SRPK2: variants seen among roughly 807,000 people sequenced by gnomAD.
SRPK2 encodes the protein SFRS protein kinase 2.
In SRPK2, 21 loss-of-function variants were observed where a neutral mutation model predicts 90.8. The observed-to-expected ratio is 0.23, with a 90% CI of 0.16 to 0.33. The LOEUF (loss-of-function observed/expected upper bound fraction) is 0.33, where lower values mean the gene tolerates loss of function less well. Among genes scored for constraint, SRPK2 ranks in the 10% least tolerant of loss-of-function variants. The pLI, the probability that SRPK2 is intolerant of heterozygous loss-of-function variation, is 1.00. For synonymous variants in SRPK2, 288 were observed against 311.1 expected (o/e 0.93, Z 0.78); for missense variants, 620 against 869.0 (o/e 0.71, Z 3.60).
intron 3 of SRPK2, among the ~76,000 whole-genome samples, chr7:105,171,805 G>A (rs1017078989): frequency 3.3e-5 from 5 of 152,148 alleles, no homozygotes; most frequent in African/African-American, 1.2e-4. Flanking sequence ...ATAAAATGTA[G>A]CAAATTATTA....
chr7:105,282,518 A>C (rs1254339844), intron 2 of SRPK2, among the ~76,000 whole-genome samples: 2 of 152,218 alleles, frequency 1.3e-5, no homozygotes, highest in African/African-American at 4.8e-5. Flanking sequence ...GACATTATCA[A>C]AGGGCCAGGG....
Position 105,117,778 on chromosome 7 carries a change from G to A in SRPK2, c.*60C>T, listed in dbSNP as rs78695224. 2.8e-3 allele frequency: 4,303 copies of A among 1,560,046 alleles called. 77 individuals are homozygous for A. The Admixed American group carries it at 0.039, about 14-fold the overall frequency. On this transcript the variant is annotated 3_prime_UTR_variant, in exon 16 of 16. Coordinates refer to ENST00000393651, the MANE Select transcript of SRPK2 (RefSeq NM_182692.3). ...ATCCTGTTAAAGAATGAGAGTCACC[G>A]TTTAGGTCCAATGTACTGGGAACAT...
intron 2 of SRPK2, among the ~76,000 whole-genome samples, chr7:105,248,732 G>A (rs925375343): frequency 1.3e-5 from 2 of 152,120 alleles, no homozygotes; most frequent in African/African-American, 2.4e-5. Context: ...ACGAGGTCAG[G>A]AGATTGAGAC....
At chr7:105,260,579 C>A (rs1804079489) in intron 2 of SRPK2, among the ~76,000 whole-genome samples, 1 of 152,190 alleles carries the variant, frequency 6.6e-6, no homozygotes. Context: ...AAGACACATG[C>A]ACACCTATGT....
rs568160435 is a variant in SRPK2 at position 105,131,405 on chromosome 7, G to GTT, written c.1752+1384_1752+1385dup. Among the ~76,000 whole-genome samples, 3 of 152,332 alleles carry GTT rather than the reference G, an allele frequency of 2.0e-5. No individual in the cohort carries two copies. The East Asian group carries it at 5.8e-4, about 29-fold the overall frequency. On this transcript the variant is annotated intron_variant, in intron 13 of 15. Transcript: ENST00000393651. ...TCAAAGTGACCATCATTGGCCACCG[G>GTT]TTCTTTTAACCGTTCTTTTCTATAC...
At chr7:105,273,961 C>G (rs1412362855) in intron 2 of SRPK2, among the ~76,000 whole-genome samples, 2 of 152,206 alleles carry the variant, frequency 1.3e-5, no homozygotes, top group Non-Finnish European at 2.9e-5. Flanking sequence ...CATCTCATAG[C>G]TGAACCACAT....
intron 2 of SRPK2, among the ~76,000 whole-genome samples, chr7:105,257,931 C>T (rs972164962): frequency 6.6e-6 from 1 of 151,624 alleles, no homozygotes; most frequent in Admixed American, 6.6e-5. Context: ...CACAGTGAAA[C>T]CCCGTCTCTA....
At chr7:105,325,513 A>G (rs1813467580) in intron 2 of SRPK2, among the ~76,000 whole-genome samples, 1 of 140,864 alleles carries the variant, frequency 7.1e-6, no homozygotes, top group Non-Finnish European at 1.5e-5. Flanking sequence ...AATGATGTCC[A>G]TTATTTAATG....
chr7:105,211,330 A>G (rs1212555333), intron 2 of SRPK2, among the ~76,000 whole-genome samples: 1 of 151,984 alleles, frequency 6.6e-6, no homozygotes. Flanking sequence ...TGGGAATAGG[A>G]GTATCTTATT....
intron 3 of SRPK2, among the ~76,000 whole-genome samples, chr7:105,176,072 C>T (rs2129593537): frequency 6.6e-6 from 1 of 152,180 alleles, no homozygotes; most frequent in South Asian, 2.1e-4. Flanking sequence ...TACAAACGTT[C>T]CAGACAAACG....
Position 105,170,825 on chromosome 7 carries a change from GAGAAAGAAAGGA to G in SRPK2, c.230-1572_230-1561del, listed in dbSNP as rs1221077333. On this transcript the variant is annotated intron_variant, in intron 3 of 15. Coordinates refer to ENST00000393651, the MANE Select transcript of SRPK2 (RefSeq NM_182692.3). Reference sequence around the variant, plus strand: ...GGAGGGAGAGAGAGAGGGAGAGAAAGAGAAAGAAAGGAAGAAAGAAAGAAAGAAAGAAAGAAA... The same window carrying G: ...GGAGGGAGAGAGAGAGGGAGAGAAAGAGAAAGAAAGAAAGAAAGAAAGAAA... Among the ~76,000 whole-genome samples the G allele has an allele frequency of 7.7e-5, 8 of 104,350 alleles. 1 individual carries two copies. The highest frequency in any genetic ancestry group is 8.8e-3 in the Middle Eastern group (2 of 228). The allele number at this position is 104,350 out of a possible 152,430, so 68.5% of individuals were successfully genotyped here. A position where few individuals can be genotyped will look rare whatever the true frequency, so the allele number is the denominator to read the frequency against.
chr7:105,293,383 G>C lies in SRPK2; in HGVS notation c.72-89598C>G, dbSNP rs565767175. ...GGTGACAACTACCACTCTAGAATTT[G>C]GCAAGATGTTACATATCTTCATCCT... On this transcript the variant is annotated intron_variant, in intron 2 of 15. Transcript: ENST00000393651. 6.6e-5 allele frequency among the ~76,000 whole-genome samples: 10 copies of C among 152,146 alleles called. No individual in the cohort carries two copies. The East Asian group carries it at 1.9e-3, about 29-fold the overall frequency.
intron 2 of SRPK2, among the ~76,000 whole-genome samples, chr7:105,219,397 A>G (rs1797840986): frequency 6.6e-6 from 1 of 152,152 alleles, no homozygotes; most frequent in Non-Finnish European, 1.5e-5. Context: ...GAGAAACTAA[A>G]TAGCCCCACT....
At chr7:105,261,709 T>C (rs573308805) in intron 2 of SRPK2, among the ~76,000 whole-genome samples, 33 of 152,310 alleles carry the variant, frequency 2.2e-4, no homozygotes, top group African/African-American at 7.9e-4. Context: ...ATTATTTGTT[T>C]TGTTGACATT....
At chr7:105,309,015 C>T (rs954682406) in intron 2 of SRPK2, among the ~76,000 whole-genome samples, 2 of 152,048 alleles carry the variant, frequency 1.3e-5, no homozygotes, top group Non-Finnish European at 2.9e-5. Flanking sequence ...TCCTTTGCTT[C>T]GATGTGCTTG....
chr7:105,268,059 T>A (rs988671021), intron 2 of SRPK2, among the ~76,000 whole-genome samples: 2 of 152,238 alleles, frequency 1.3e-5, no homozygotes, highest in Non-Finnish European at 2.9e-5. Context: ...AATAGGCAAC[T>A]ATAGCCTTAT....
chr7:105,181,955 G>T (rs1364279731), intron 3 of SRPK2, among the ~76,000 whole-genome samples: 1 of 150,704 alleles, frequency 6.6e-6, no homozygotes, highest in African/African-American at 2.4e-5. Flanking sequence ...ATGGCCAGGC[G>T]CGGGGGCTCA....
chr7:105,369,125 T>TTTACTATTA (rs1819417349), intron 2 of SRPK2, among the ~76,000 whole-genome samples: 3 of 143,318 alleles, frequency 2.1e-5, no homozygotes, highest in Admixed American at 1.4e-4. Flanking sequence ...CAAGATTTAT[T>TTTACTATTA]TTATTATTAT....
intron 8 of SRPK2, among the ~76,000 whole-genome samples, chr7:105,145,748 G>T (rs61285225): frequency 0.011 from 1,696 of 152,238 alleles, 26 homozygotes; most frequent in African/African-American, 0.039. Flanking sequence ...ACTGCAGTTG[G>T]TATGCAGCAA....
Sources: allele counts gnomAD v4.1 joint callset (sites outside exome capture counted in the v4.1 genomes callset), GRCh38; gene constraint gnomAD v4.1.1; transcripts MANE v1.5; gene names NCBI Gene and HGNC (gene_info 2026-07-23, HGNC 2026-07-21).